KTN1: variants seen among roughly 807,000 people sequenced by gnomAD.
The protein encoded by KTN1 is kinectin.
Under a neutral mutation model 222.5 loss-of-function variants are expected in KTN1, and 130 were observed. The observed-to-expected ratio is 0.58, with a 90% CI of 0.51 to 0.68. The LOEUF is 0.68. KTN1 is among the 30% of genes least tolerant of loss of function. KTN1 has a pLI of 0.00. For synonymous variants in KTN1, 512 were observed against 496.3 expected (o/e 1.03, Z -0.42); for missense variants, 1,508 against 1,500.4 (o/e 1.01, Z -0.08).
intron 1 of KTN1, among the ~76,000 whole-genome samples, chr14:55,599,440 AG>A (rs1360562680): frequency 6.6e-6 from 1 of 151,960 alleles, no homozygotes; most frequent in Non-Finnish European, 1.5e-5. Flanking sequence ...CCTGAGTCCC[AG>A]GGCTTTTGTG....
intron 1 of KTN1, among the ~76,000 whole-genome samples, chr14:55,593,731 G>A (rs2034554150): frequency 6.6e-6 from 1 of 152,052 alleles, no homozygotes. Context: ...TATGACATTG[G>A]ATGTTTTGTT....
At chr14:55,650,735 C>T in intron 24 of KTN1, 98 bp downstream of exon 24, 3 of 826,040 alleles carry the variant, frequency 3.6e-6, no homozygotes, top group Non-Finnish European at 4.0e-6. Flanking sequence ...ACTTAGTATG[C>T]TGTAGGTATA....
intron 33 of KTN1, among the ~76,000 whole-genome samples, chr14:55,666,695 A>C (rs1049444823): frequency 1.3e-5 from 2 of 151,786 alleles, no homozygotes; most frequent in Non-Finnish European, 2.9e-5. Context: ...TCTTTTTCCC[A>C]TTTATGTCAT....
intron 19 of KTN1, among the ~76,000 whole-genome samples, chr14:55,647,633 C>CAAAAA (rs35742930): frequency 6.1e-5 from 2 of 32,974 alleles, no homozygotes; most frequent in Admixed American, 1.0e-3. Context: ...AACTCTGCCT[C>CAAAAA]AAAAAAAAAA....
intron 5 of KTN1, among the ~76,000 whole-genome samples, chr14:55,621,305 G>GCTC (rs3059144): frequency 0.54 from 81,257 of 151,722 alleles, 23,840 homozygotes; most frequent in African/African-American, 0.8. Flanking sequence ...AACTGTTCCA[G>GCTC]CTCTGCCTGT....
chr14:55,611,176 T>C lies in KTN1; in HGVS notation c.-30-843T>C, dbSNP rs1025843250. 2.0e-5 allele frequency among the ~76,000 whole-genome samples: 3 copies of C among 152,132 alleles called. No homozygotes were observed. The South Asian group carries it at 6.2e-4, about 32-fold the overall frequency. On this transcript the variant is annotated intron_variant, in intron 1 of 43. Transcript: ENST00000395314. ...AGTCACAGGTCACTGAAGCCTCGAC[T>C]TCAAAGGCTCAGGTGATCCTCTCAC...
intron 27 of KTN1, among the ~76,000 whole-genome samples, 186 bp downstream of exon 27, chr14:55,653,271 T>C (rs563111884): frequency 8.5e-5 from 13 of 152,354 alleles, no homozygotes; most frequent in Middle Eastern, 3.4e-3. Context: ...AACTGCTTAA[T>C]CTGTCAACCT....
intron 34 of KTN1, chr14:55,668,018 T>C (rs1378843133): frequency 6.6e-6 from 1 of 151,768 alleles, no homozygotes; most frequent in Non-Finnish European, 1.5e-5. Flanking sequence ...ATGGCACGCA[T>C]ATAAGCAATC....
intron 3 of KTN1, 93 bp from the exon 4 acceptor site, chr14:55,617,871 A>G (rs925970892): frequency 3.1e-5 from 30 of 964,014 alleles, no homozygotes; most frequent in Middle Eastern, 2.6e-4. Context: ...AAATGTTTCA[A>G]AAGAACTGCA....
intron 1 of KTN1, among the ~76,000 whole-genome samples, chr14:55,593,071 T>C (rs1289662068): frequency 6.6e-6 from 1 of 152,150 alleles, no homozygotes; most frequent in Non-Finnish European, 1.5e-5. Context: ...CTAGAGTGTA[T>C]TGTATCTGTT....
At chr14:55,682,241 T>C (rs1214858006) in intron 43 of KTN1, 1 of 152,122 alleles carries the variant, frequency 6.6e-6, no homozygotes, top group Non-Finnish European at 1.5e-5. Context: ...AACTTTTCTT[T>C]TGGAAATTTT....
At position 55,662,991 on chromosome 14, in the gene KTN1, G is replaced by GCA. The variant is rs1404210761; in HGVS notation, c.3091-963_3091-962dup. 3 of 455,964 alleles carry GCA rather than the reference G, an allele frequency of 6.6e-6. No homozygotes were observed. In the East Asian group the frequency reaches 2.1e-4, roughly 32 times the overall value. The allele number at this position is 455,964 out of a possible 1,614,324, so 28.2% of individuals were successfully genotyped here. A position where few individuals can be genotyped will look rare whatever the true frequency, so the allele number is the denominator to read the frequency against. On this transcript the variant is annotated intron_variant, in intron 32 of 43. Coordinates refer to ENST00000395314, the MANE Select transcript of KTN1 (RefSeq NM_001079521.2). ...CCAGGACACTGGAGGCCAGCAGATA[G>GCA]CAGTGTCAGTCTTTCCTTCTAGTTT...
rs577613530 is a variant in KTN1 at position 55,646,870 on chromosome 14, A to C, written c.2173-103A>C. 5 of 738,850 alleles carry C rather than the reference A, an allele frequency of 6.8e-6. No individual in the cohort carries two copies. In the East Asian group the frequency reaches 1.0e-4, roughly 15 times the overall value. 45.8% of individuals were successfully genotyped at this position (738,850 alleles called of 1,614,324 possible). A position where few individuals can be genotyped will look rare whatever the true frequency, so the allele number is the denominator to read the frequency against. ...AGTTATTGTCCTAAATTTTGTATCT[A>C]TTTAATAACCCTAAACAATTTTCAC... On this transcript the variant is annotated intron_variant, in intron 18 of 43. Coordinates refer to ENST00000395314, the MANE Select transcript of KTN1 (RefSeq NM_001079521.2).
intron 2 of KTN1, 41 bp from the exon 3 acceptor site, chr14:55,616,476 T>C (rs370637055): frequency 2.6e-6 from 4 of 1,529,710 alleles, no homozygotes; most frequent in Non-Finnish European, 2.6e-6. Context: ...GTTATGTTCA[T>C]TGTTTGCCAC....
At chr14:55,628,957 A>G (rs1261135697) in intron 6 of KTN1, among the ~76,000 whole-genome samples, 2 of 152,224 alleles carry the variant, frequency 1.3e-5, no homozygotes, top group African/African-American at 4.8e-5. Context: ...AAATTATGTA[A>G]TATCTCAAAT....
At chr14:55,606,642 T>C (rs1245388752) in intron 1 of KTN1, among the ~76,000 whole-genome samples, 1 of 152,160 alleles carries the variant, frequency 6.6e-6, no homozygotes, top group Non-Finnish European at 1.5e-5. Context: ...AATTTAATAG[T>C]ATACTTATCA....
intron 10 of KTN1, among the ~76,000 whole-genome samples, chr14:55,636,834 ATTCT>A (rs2041182794): frequency 6.6e-6 from 1 of 151,074 alleles, no homozygotes; most frequent in Admixed American, 6.6e-5. Context: ...TCTTTGGTTA[ATTCT>A]TTTTTTTTTT....
intron 18 of KTN1, among the ~76,000 whole-genome samples, chr14:55,643,360 T>C (rs754475394): frequency 2.0e-5 from 3 of 152,190 alleles, no homozygotes; most frequent in Non-Finnish European, 4.4e-5. Context: ...GTTGTTTAGT[T>C]GGCAACATTT....
chr14:55,677,806 C>G (rs2046016276), intron 41 of KTN1, among the ~76,000 whole-genome samples: 1 of 152,218 alleles, frequency 6.6e-6, no homozygotes. Flanking sequence ...TCAGTTGATT[C>G]TCCTTCCTCA....
Sources: allele counts gnomAD v4.1 joint callset (sites outside exome capture counted in the v4.1 genomes callset), GRCh38; gene constraint gnomAD v4.1.1; transcripts MANE v1.5; gene names NCBI Gene and HGNC (gene_info 2026-07-23, HGNC 2026-07-21).